Variants in CNOT2 observed in about 807,000 individuals in gnomAD.
CNOT2 encodes the protein CC chemokine receptor 4-negative regulator of transcription 2.
In CNOT2, 7 loss-of-function variants were observed where a neutral mutation model predicts 72.1. That is an observed-to-expected ratio of 0.10 (90% CI 0.06 to 0.18). The LOEUF is 0.18. Among genes scored for constraint, CNOT2 ranks in the 10% least tolerant of loss-of-function variants. The pLI, the probability that CNOT2 is intolerant of heterozygous loss-of-function variation, is 1.00. For missense variants in CNOT2, 345 were observed against 660.3 expected (o/e 0.52, Z 5.23); for synonymous variants, 196 against 225.6 (o/e 0.87, Z 1.17).
At position 70,305,119 on chromosome 12, in the gene CNOT2, C is replaced by T. The variant is rs1279532340; in HGVS notation, c.49-5776C>T. ...GAATTCCCTGACCCCTTGGGCTTCC[C>T]GGGTGAGGCGATGCCCCGCCCTGTT... On this transcript the variant is annotated intron_variant, in intron 2 of 15. Transcript: ENST00000229195. Among the ~76,000 whole-genome samples the T allele has an allele frequency of 5.3e-5, 8 of 152,346 alleles. No individual in the cohort carries two copies. The East Asian group carries it at 5.8e-4, about 11-fold the overall frequency.
At chr12:70,331,841 T>C (rs1041966428) in intron 6 of CNOT2, 1 of 151,896 alleles carries the variant, frequency 6.6e-6, no homozygotes. Flanking sequence ...GCTTACAGCA[T>C]TGATACACTA....
chr12:70,300,541 G>A (rs1310437735), intron 2 of CNOT2, among the ~76,000 whole-genome samples: 12 of 152,082 alleles, frequency 7.9e-5, no homozygotes, highest in East Asian at 7.7e-4. Context: ...GATATGTGGC[G>A]TTATTTCTGA....
intron 2 of CNOT2, among the ~76,000 whole-genome samples, chr12:70,289,048 T>G (rs890152586): frequency 1.3e-5 from 2 of 152,048 alleles, no homozygotes; most frequent in African/African-American, 4.8e-5. Context: ...CTGCTTTATT[T>G]TCTTGCTCAC....
intron 2 of CNOT2, among the ~76,000 whole-genome samples, chr12:70,280,361 A>C (rs1326236730): frequency 6.6e-6 from 1 of 152,168 alleles, no homozygotes; most frequent in African/African-American, 2.4e-5. Flanking sequence ...TAGGGTGACT[A>C]TAATTAACAA....
chr12:70,286,853 C>G (rs1209668563), intron 2 of CNOT2, among the ~76,000 whole-genome samples: 1 of 151,866 alleles, frequency 6.6e-6, no homozygotes, highest in African/African-American at 2.4e-5. Context: ...CATGTTTTCT[C>G]TCAAAGTTTT....
chr12:70,258,267 A>G (rs2135726575), intron 1 of CNOT2, among the ~76,000 whole-genome samples: 1 of 152,332 alleles, frequency 6.6e-6, no homozygotes. Context: ...GAAGTACCAT[A>G]TCAAAACTGA....
intron 4 of CNOT2, among the ~76,000 whole-genome samples, chr12:70,327,986 C>G (rs1879349021): frequency 6.6e-6 from 1 of 151,828 alleles, no homozygotes; most frequent in African/African-American, 2.4e-5. Context: ...GTGGCTTCAG[C>G]TAGTGACATT....
At chr12:70,295,387 C>T (rs923756752) in intron 2 of CNOT2, among the ~76,000 whole-genome samples, 64 of 152,192 alleles carry the variant, frequency 4.2e-4, no homozygotes, top group African/African-American at 1.3e-3. Context: ...GATAACTGGA[C>T]GCTCTATATA....
intron 1 of CNOT2, among the ~76,000 whole-genome samples, chr12:70,254,272 A>G (rs561729160): frequency 6.6e-6 from 1 of 152,104 alleles, no homozygotes; most frequent in African/African-American, 2.4e-5. Flanking sequence ...ATATAATATA[A>G]AAAAGTTAAA....
At chr12:70,278,318 T>C (rs1358959266) in intron 2 of CNOT2, 44 bp downstream of exon 2, 1 of 1,385,610 alleles carries the variant, frequency 7.2e-7, no homozygotes, top group Non-Finnish European at 1.0e-6. Context: ...GTCTTATAGC[T>C]ACATTGAAAC....
chr12:70,345,895 C>G (rs1487497826), intron 14 of CNOT2: 1 of 257,198 alleles, frequency 3.9e-6, no homozygotes, highest in Non-Finnish European at 7.2e-6. Flanking sequence ...GTTTTTATCA[C>G]ATTGCTTATA....
intron 4 of CNOT2, among the ~76,000 whole-genome samples, chr12:70,328,601 T>G (rs943310104): frequency 6.6e-6 from 1 of 151,830 alleles, no homozygotes; most frequent in African/African-American, 2.4e-5. Context: ...ATTAAAAAAT[T>G]TATAATTCCT....
intron 1 of CNOT2, among the ~76,000 whole-genome samples, chr12:70,276,547 GCTTT>G (rs1317041917): frequency 5.9e-5 from 9 of 151,836 alleles, no homozygotes; most frequent in African/African-American, 1.9e-4. Context: ...AAATAATCTT[GCTTT>G]CTTTTTGTGA....
At position 70,261,305 on chromosome 12, in the gene CNOT2, C is replaced by CTTTTTTTTTTTTTTTTTTT. The variant is rs71437141; in HGVS notation, c.-95-16818_-95-16800dup. 1.4e-4 allele frequency among the ~76,000 whole-genome samples: 6 copies of CTTTTTTTTTTTTTTTTTTT among 43,340 alleles called. 2 individuals are homozygous for CTTTTTTTTTTTTTTTTTTT. The highest frequency in any genetic ancestry group is 5.2e-4 in the African/African-American group (6 of 11,476). The allele number at this position is 43,340 out of a possible 152,430, so 28.4% of individuals were successfully genotyped here. ...ATCTTTGTGCCTATTTTCTTTCTTT[C>CTTTTTTTTTTTTTTTTTTT]TTTTTTTTTTTTTTTTTTTTTTTTT... On this transcript the variant is annotated intron_variant, in intron 1 of 15. Transcript: ENST00000229195.
chr12:70,338,136 G>A (rs954328151), intron 9 of CNOT2: 2 of 239,380 alleles, frequency 8.4e-6, no homozygotes, highest in Non-Finnish European at 1.6e-5. Context: ...AACTTCAAGT[G>A]TATCCCAAAG....
chr12:70,246,731 G>C (rs756694921), intron 1 of CNOT2, among the ~76,000 whole-genome samples: 6 of 152,156 alleles, frequency 3.9e-5, no homozygotes, highest in Non-Finnish European at 8.8e-5. Flanking sequence ...TGGTTTTTCT[G>C]TTTGACATCC....
At chr12:70,297,800 T>A (rs1873077701) in intron 2 of CNOT2, 1 of 326,658 alleles carries the variant, frequency 3.1e-6, no homozygotes, top group Admixed American at 4.4e-5. Context: ...TGCAGTGGCG[T>A]CATCTTGGCT....
At chr12:70,326,073 A>G (rs1179217494) in intron 4 of CNOT2, among the ~76,000 whole-genome samples, 1 of 151,846 alleles carries the variant, frequency 6.6e-6, no homozygotes, top group African/African-American at 2.4e-5. Context: ...AAAATGATCA[A>G]TAAGGAATTT....
intron 1 of CNOT2, among the ~76,000 whole-genome samples, chr12:70,260,774 G>A (rs967909605): frequency 3.3e-5 from 5 of 150,272 alleles, no homozygotes; most frequent in African/African-American, 1.2e-4. Context: ...GGCTTCTTTA[G>A]GATTTTCTTA....
Sources: allele counts gnomAD v4.1 joint callset (sites outside exome capture counted in the v4.1 genomes callset), GRCh38; gene constraint gnomAD v4.1.1; transcripts MANE v1.5; gene names NCBI Gene and HGNC (gene_info 2026-07-23, HGNC 2026-07-21).